The following SUSD3 variants were observed in gnomAD, a reference collection of about 807,000 sequenced individuals.
SUSD3 encodes the protein sushi domain containing 3.
In SUSD3, 18 loss-of-function variants were observed where a neutral mutation model predicts 20.6. The ratio of observed to expected loss-of-function variants is 0.87; its 90% CI spans 0.60 to 1.30. The LOEUF is 1.30. Among genes scored for constraint, SUSD3 ranks in the 50% most tolerant of loss-of-function variants. The pLI is 0.00. For synonymous variants in SUSD3, 137 were observed against 141.5 expected, an observed-to-expected ratio of 0.97 and a Z score of 0.23; for missense variants, 306 against 346.9, an observed-to-expected ratio of 0.88 and a Z score of 0.94.
At position 93,079,657 on chromosome 9, in the gene SUSD3, C is replaced by A; in HGVS notation, c.557+55C>A. 3 of 1,593,990 alleles carry A rather than the reference C, an allele frequency of 1.9e-6. No homozygotes were observed. In the South Asian group the frequency reaches 3.4e-5, roughly 18 times the overall value. On this transcript the variant is annotated intron_variant, in intron 4 of 4. Coordinates refer to ENST00000375472, the MANE Select transcript of SUSD3 (RefSeq NM_145006.4). ...TGGGGGACAAGGGGTCCAGCTTGGTCAGGCCCCGGGCCACCTGCTGCTCCC... is the reference window on the plus strand; with the variant it reads ...TGGGGGACAAGGGGTCCAGCTTGGTAAGGCCCCGGGCCACCTGCTGCTCCC...
At position 93,075,929 on chromosome 9, in the gene SUSD3, G is replaced by C; in HGVS notation, c.234G>C (p.Lys78Asn). The C allele has an allele frequency of 6.2e-7, 1 of 1,613,120 alleles. No homozygotes were observed. Among genetic ancestry groups the C allele is most frequent in the Non-Finnish European group, 8.5e-7 (1 of 1,179,364 alleles). The change falls in exon 2 of 5, where the codon AAG (lysine) becomes AAC (asparagine). Residue 78 changes from lysine (K) to asparagine (N), a missense_variant. Physicochemically the swap from Lys to Asn is moderately conservative, Grantham distance 94 (BLOSUM62 0). Transcript: ENST00000375472. ...VGSGLLTCTW[K>N]GSIAEWSSGS... ...CTGGGCTCCTCACCTGCACCTGGAA[G>C]GGGAGCATCGCTGAGTGGTCTTCAG...
chr9:93,081,864 C>T (rs920098903), intron 4 of SUSD3, among the ~76,000 whole-genome samples: 1 of 152,188 alleles, frequency 6.6e-6, no homozygotes, highest in African/African-American at 2.4e-5. Flanking sequence ...GCTAGACCCT[C>T]CCCTGTTGAG....
intron 1 of SUSD3, among the ~76,000 whole-genome samples, chr9:93,063,489 A>G (rs1186618233): frequency 3.9e-5 from 6 of 152,306 alleles, no homozygotes; most frequent in African/African-American, 1.4e-4. Flanking sequence ...CCTACTGGTT[A>G]GCCCTCCAGG....
intron 4 of SUSD3, among the ~76,000 whole-genome samples, chr9:93,080,723 G>C (rs1327227459): frequency 2.0e-5 from 3 of 152,264 alleles, no homozygotes; most frequent in African/African-American, 7.2e-5. Flanking sequence ...CACTGTCTCA[G>C]CGGCCTCTGA....
chr9:93,082,902 G>A (rs559439866), intron 4 of SUSD3, among the ~76,000 whole-genome samples: 1 of 152,344 alleles, frequency 6.6e-6, no homozygotes, highest in Non-Finnish European at 1.5e-5. Flanking sequence ...GCATGATGCC[G>A]AGGGGCTCCC....
intron 3 of SUSD3, 112 bp from the exon 4 acceptor site, chr9:93,079,359 C>T: frequency 3.3e-6 from 4 of 1,221,928 alleles, no homozygotes; most frequent in Non-Finnish European, 4.6e-6. Flanking sequence ...AGAGGTTTGC[C>T]AGCCTGCACT....
At chr9:93,077,430 C>T (rs1826209849) in intron 2 of SUSD3, among the ~76,000 whole-genome samples, 1 of 152,006 alleles carries the variant, frequency 6.6e-6, no homozygotes, top group Non-Finnish European at 1.5e-5. Context: ...CTCTGAACTC[C>T]CTGCCAGAAC....
intron 1 of SUSD3, among the ~76,000 whole-genome samples, chr9:93,065,292 G>C (rs773955030): frequency 6.6e-6 from 1 of 152,148 alleles, no homozygotes; most frequent in African/African-American, 2.4e-5. Context: ...CCATCCCTTG[G>C]TCCACCCCTC....
chr9:93,065,447 C>T (rs1170167858), intron 1 of SUSD3, among the ~76,000 whole-genome samples: 1 of 152,274 alleles, frequency 6.6e-6, no homozygotes, highest in East Asian at 1.9e-4. Context: ...ACCTCTCCTC[C>T]CATCCGCCAA....
At position 93,084,727 on chromosome 9, in the gene SUSD3, G is replaced by C. The variant is rs145889796; in HGVS notation, c.748G>C (p.Ala250Pro). Residue 250 changes from alanine (A) to proline (P), a missense_variant, in exon 5 of 5, where the codon GCA (alanine) becomes CCA (proline). By Grantham distance (27) the Ala-to-Pro change is conservative. Transcript: ENST00000375472. Reference sequence around the variant, plus strand: ...GGCCACAGGAATGCCACAACAGCCCGCAGCATATGCCCTAGGGTGACCACG... The same window carrying C: ...GGCCACAGGAATGCCACAACAGCCCCCAGCATATGCCCTAGGGTGACCACG... ...GLATGMPQQPAAYALG is the reference protein window; with the variant it reads ...GLATGMPQQPPAYALG 2 of 1,583,266 alleles carry C rather than the reference G, an allele frequency of 1.3e-6. 1 individual carries two copies. The highest frequency in any genetic ancestry group is 2.3e-5 in the South Asian group (2 of 87,024).
At chr9:93,067,666 C>T (rs957899634) in intron 1 of SUSD3, among the ~76,000 whole-genome samples, 1 of 151,224 alleles carries the variant, frequency 6.6e-6, no homozygotes, top group Non-Finnish European at 1.5e-5. Context: ...AGCCTGATCT[C>T]GGCTGACTGC....
Position 93,084,821 on chromosome 9 carries a change from T to C in SUSD3, c.*74T>C. 1 of 1,314,276 alleles carries C rather than the reference T, an allele frequency of 7.6e-7. No individual in the cohort carries two copies. The highest frequency in any genetic ancestry group is 1.0e-6 in the Non-Finnish European group (1 of 988,814). The allele number at this position is 1,314,276 out of a possible 1,614,324, so 81.4% of individuals were successfully genotyped here. On this transcript the variant is annotated 3_prime_UTR_variant, in exon 5 of 5. Transcript: ENST00000375472. ...ACCCCACCAGCCAGTCAGCTACAAC[T>C]CCACATCAACTCCACATGCGCCCAG...
At chr9:93,067,288 G>GGT (rs1825752633) in intron 1 of SUSD3, among the ~76,000 whole-genome samples, 1 of 152,164 alleles carries the variant, frequency 6.6e-6, no homozygotes, top group African/African-American at 2.4e-5. Context: ...AGTACTCTGT[G>GGT]GTGTGGATAA....
In SUSD3 at chr9:93,084,740, T is replaced by C; in HGVS notation, c.761T>C (p.Leu254Pro). The C allele has an allele frequency of 6.6e-7, 1 of 1,521,804 alleles. No individual in the cohort carries two copies. The highest frequency in any genetic ancestry group is 8.8e-7 in the Non-Finnish European group (1 of 1,132,480). 94.3% of individuals were successfully genotyped at this position (1,521,804 alleles called of 1,614,324 possible). Residue 254 changes from leucine to proline, a missense_variant, in exon 5 of 5, where the codon CTA becomes CCA. Coordinates refer to ENST00000375472, the MANE Select transcript of SUSD3 (RefSeq NM_145006.4). ...GMPQQPAAYALG is the reference protein window; with the variant it reads ...GMPQQPAAYAPG ...CCACAACAGCCCGCAGCATATGCCC[T>C]AGGGTGACCACGCAGTGAGGCTGGT...
chr9:93,071,098 GT>G (rs1825891664), intron 1 of SUSD3, among the ~76,000 whole-genome samples: 1 of 152,192 alleles, frequency 6.6e-6, no homozygotes, highest in Admixed American at 6.5e-5. Context: ...GATCCGAGAG[GT>G]TGGTCTGTCC....
At chr9:93,074,220 G>A (rs371824337) in intron 1 of SUSD3, among the ~76,000 whole-genome samples, 16 of 152,010 alleles carry the variant, frequency 1.1e-4, no homozygotes, top group Middle Eastern at 3.4e-3. Flanking sequence ...CAAGGCGGCC[G>A]GATCACGAGG....
At chr9:93,078,412 C>T (rs1826264014) in intron 3 of SUSD3, among the ~76,000 whole-genome samples, 1 of 152,142 alleles carries the variant, frequency 6.6e-6, no homozygotes, top group African/African-American at 2.4e-5. Context: ...GTATGTACCA[C>T]CACACTCGGC....
At chr9:93,062,294 C>T (rs898885787) in intron 1 of SUSD3, among the ~76,000 whole-genome samples, 4 of 152,194 alleles carry the variant, frequency 2.6e-5, no homozygotes, top group Non-Finnish European at 4.4e-5. Context: ...GGCAGGGCCT[C>T]GTGTGTTTTT....
In SUSD3 at chr9:93,058,761, A is replaced by G; in HGVS notation, c.19A>G (p.Thr7Ala). MRWAAA[T>A]LRGKARPRGR... Reference sequence around the variant, plus strand: ...GCGCAGGATGCGCTGGGCGGCCGCCACCCTCCGTGGCAAGGCGAGGCCCCG... The same window carrying G: ...GCGCAGGATGCGCTGGGCGGCCGCCGCCCTCCGTGGCAAGGCGAGGCCCCG... Residue 7 changes from threonine to alanine, a missense_variant, in exon 1 of 5, where the codon ACC (threonine) becomes GCC (alanine). By Grantham distance (58) the Thr-to-Ala change is moderately conservative. Coordinates refer to ENST00000375472, the MANE Select transcript of SUSD3 (RefSeq NM_145006.4). 1 of 1,236,132 alleles carries G rather than the reference A, an allele frequency of 8.1e-7. No individual in the cohort carries two copies. The highest frequency in any genetic ancestry group is 1.0e-6 in the Non-Finnish European group (1 of 989,848). The allele number at this position is 1,236,132 out of a possible 1,614,324, so 76.6% of individuals were successfully genotyped here.
Sources: gnomAD v4.1 joint callset for allele counts (sites outside exome capture counted in the v4.1 genomes callset) on GRCh38, gnomAD v4.1.1 for gene constraint, MANE v1.5 for transcripts, NCBI Gene and HGNC (gene_info 2026-07-23, HGNC 2026-07-21) for gene names.